SHANK2: variants seen among roughly 807,000 people sequenced by gnomAD.
SHANK2 encodes the protein SH3 and multiple ankyrin repeat domains 2, also known as SH3 and multiple ankyrin repeat domains protein 2.
In SHANK2, 43 loss-of-function variants were observed where a neutral mutation model predicts 133.7. The ratio of observed to expected loss-of-function variants is 0.32; its 90% confidence interval spans 0.25 to 0.41. The LOEUF (loss-of-function observed/expected upper bound fraction) is 0.41, where lower values mean the gene tolerates loss of function less well. Among genes scored for constraint, SHANK2 ranks in the 10% least tolerant of loss-of-function variants. The pLI, the probability that SHANK2 is intolerant of heterozygous loss-of-function variation, is 1.00. For synonymous variants in SHANK2, 1,017 were observed against 952.8 expected (o/e 1.07, Z -1.24); for missense variants, 1,994 against 2,235.8 (o/e 0.89, Z 2.18).
chr11:70,897,832 T>C (rs1240079827), intron 10 of SHANK2, among the ~76,000 whole-genome samples: 8 of 152,198 alleles, frequency 5.3e-5, no homozygotes, highest in Non-Finnish European at 1.0e-4. Context: ...TTATTTTTTC[T>C]TAAAGAATAT....
intron 11 of SHANK2, among the ~76,000 whole-genome samples, chr11:70,824,675 G>A (rs1948610105): frequency 6.6e-6 from 1 of 152,114 alleles, no homozygotes; most frequent in Non-Finnish European, 1.5e-5. Context: ...AAACCATGTT[G>A]GTGCCCTCCC....
intron 17 of SHANK2, among the ~76,000 whole-genome samples, chr11:70,507,242 C>T (rs1196453408): frequency 1.3e-5 from 2 of 152,196 alleles, no homozygotes; most frequent in Non-Finnish European, 2.9e-5. Context: ...TCTTGCCAGC[C>T]ACCAGTGAAA....
At position 71,092,408 on chromosome 11, in the gene SHANK2, G is replaced by A; in HGVS notation, c.912+14C>T. The stretch of plus-strand genomic sequence containing the variant: ...TTCGTGGGTACAACAGAGTGGAGAA[G>A]CGGGCCCACGTACCTGGTGGATCTC... On this transcript the variant is annotated intron_variant, in intron 8 of 25. Coordinates refer to ENST00000601538, the MANE Select transcript of SHANK2 (RefSeq NM_012309.5). The A allele has an allele frequency of 6.4e-7, 1 of 1,551,028 alleles. No homozygotes were observed.
chr11:70,771,535 G>A (rs1947249488), intron 14 of SHANK2, among the ~76,000 whole-genome samples: 1 of 152,242 alleles, frequency 6.6e-6, no homozygotes, highest in Admixed American at 6.5e-5. Flanking sequence ...TGGGCTGGGT[G>A]GAGTGGGTGG....
intron 2 of SHANK2, among the ~76,000 whole-genome samples, chr11:71,152,923 G>A (rs11232298): frequency 0.085 from 12,892 of 152,212 alleles, 1,303 homozygotes; most frequent in African/African-American, 0.24. Flanking sequence ...CACCAGGCAA[G>A]GCAGAAGGCG....
chr11:70,722,495 C>G (rs572563440), intron 14 of SHANK2, among the ~76,000 whole-genome samples: 1 of 152,218 alleles, frequency 6.6e-6, no homozygotes, highest in African/African-American at 2.4e-5. Context: ...TTTGAAATAC[C>G]TACATAGGCG....
Position 71,113,325 on chromosome 11 carries a change from C to G in SHANK2, c.451G>C (p.Asp151His). The change falls in exon 5 of 26, where the codon GAT (aspartate) becomes CAT (histidine). Residue 151 changes from aspartate (D) to histidine (H), a missense_variant. Coordinates refer to ENST00000601538, the MANE Select transcript of SHANK2 (RefSeq NM_012309.5). ...TGGAGCTTGGCCAACTGTTTCTCAT[C>G]GAGACTGGCTTGTTTATACACCCGC... Reference protein sequence around the residue: ...KKRVYKQASLDEKQLAKLHTK... With the variant: ...KKRVYKQASLHEKQLAKLHTK... 1.3e-6 allele frequency: 2 copies of G among 1,551,658 alleles called. No homozygotes were observed. Among genetic ancestry groups the G allele is most frequent in the Non-Finnish European group, 8.7e-7 (1 of 1,146,996 alleles).
intron 24 of SHANK2, 105 bp downstream of exon 24, chr11:70,489,223 T>C: frequency 8.7e-7 from 1 of 1,145,770 alleles, no homozygotes; most frequent in Non-Finnish European, 1.3e-6. Flanking sequence ...CTGAGTTGGC[T>C]GTCTGGCAAT....
chr11:71,066,981 G>A (rs1195368418), intron 9 of SHANK2, among the ~76,000 whole-genome samples: 1 of 152,214 alleles, frequency 6.6e-6, no homozygotes, highest in Admixed American at 6.5e-5. Flanking sequence ...CAAGGCATGG[G>A]TTGGAAACCT....
At position 70,485,450 on chromosome 11, in the gene SHANK2, T is replaced by G. The variant is rs782412088; in HGVS notation, c.4843A>C (p.Ile1615Leu). The G allele has an allele frequency of 6.2e-7, 1 of 1,613,984 alleles. No individual in the cohort carries two copies. Among genetic ancestry groups the G allele is most frequent in the South Asian group, 1.1e-5 (1 of 91,074 alleles). The change falls in exon 25 of 26, where the codon ATT becomes CTT. Residue 1615 changes from isoleucine (I) to leucine (L), a missense_variant. Physicochemically the swap from Ile to Leu is conservative, Grantham distance 5. Coordinates refer to ENST00000601538, the MANE Select transcript of SHANK2 (RefSeq NM_012309.5). The surrounding 1 kb of genome is among the most constrained non-coding windows in gnomAD (Gnocchi z 5.8). ...WGDVTEIKSP[I>L]LSGPKANVIS... ...ACGTTTGCCTTTGGGCCTGAGAGAA[T>G]CGGGCTTTTGATCTCTGTGACGTCG...
At chr11:70,702,474 AATC>A (rs782251488) in intron 14 of SHANK2, among the ~76,000 whole-genome samples, 1 of 151,802 alleles carries the variant, frequency 6.6e-6, no homozygotes, top group South Asian at 2.1e-4. Context: ...CATCACCACT[AATC>A]ATCATCATGA....
chr11:70,890,895 C>T (rs1220354904), intron 11 of SHANK2, among the ~76,000 whole-genome samples: 4 of 150,138 alleles, frequency 2.7e-5, no homozygotes, highest in South Asian at 2.1e-4. Context: ...ACCCGGGAGG[C>T]GGAGGTTGCA....
intron 10 of SHANK2, among the ~76,000 whole-genome samples, chr11:70,904,784 A>G (rs1339349278): frequency 1.3e-5 from 2 of 152,194 alleles, no homozygotes; most frequent in African/African-American, 4.8e-5. Flanking sequence ...CTGGGAGTAC[A>G]GGCATGAGCC....
Position 70,470,942 on chromosome 11 carries a change from C to T in SHANK2, c.*1927G>A, listed in dbSNP as rs999006815. On this transcript the variant is annotated 3_prime_UTR_variant, in exon 26 of 26. Transcript: ENST00000601538. ...CTTTGAAGAAATTGTCCTTCAATGA[C>T]GAAGTTCTAGCAAAGATAGAAAATA... The T allele has an allele frequency of 9.4e-6, 2 of 213,744 alleles. No individual in the cohort carries two copies. Among genetic ancestry groups the T allele is most frequent in the Admixed American group, 5.8e-5 (1 of 17,152 alleles). The allele number at this position is 213,744 out of a possible 1,614,324, so 13.2% of individuals were successfully genotyped here. A position where few individuals can be genotyped will look rare whatever the true frequency, so the allele number is the denominator to read the frequency against.
In SHANK2 at chr11:71,168,168, G is replaced by A. The variant is rs1280176145; in HGVS notation, c.-12-20830C>T. 2.2e-5 allele frequency among the ~76,000 whole-genome samples: 3 copies of A among 136,168 alleles called. 1 individual carries two copies. Among genetic ancestry groups the A allele is most frequent in the Non-Finnish European group, 4.8e-5 (3 of 62,986 alleles). 89.3% of individuals were successfully genotyped at this position (136,168 alleles called of 152,430 possible). Reference sequence around the variant, plus strand: ...TCAGACGGGGTGGCCGGGCAGAGACGCTCCTCACATCCCGCACGGGGCGGC... The same window carrying A: ...TCAGACGGGGTGGCCGGGCAGAGACACTCCTCACATCCCGCACGGGGCGGC... On this transcript the variant is annotated intron_variant, in intron 2 of 25. Coordinates refer to ENST00000601538, the MANE Select transcript of SHANK2 (RefSeq NM_012309.5).
At chr11:70,614,120 G>A (rs1591650886) in intron 17 of SHANK2, among the ~76,000 whole-genome samples, 1 of 152,078 alleles carries the variant, frequency 6.6e-6, no homozygotes, top group East Asian at 1.9e-4. Flanking sequence ...GACAATAAAG[G>A]CCGAGACTGG....
intron 15 of SHANK2, among the ~76,000 whole-genome samples, chr11:70,677,805 G>C (rs1167032996): frequency 6.6e-6 from 1 of 152,168 alleles, no homozygotes; most frequent in African/African-American, 2.4e-5. Flanking sequence ...CCAAAGCCAG[G>C]GTCCTTGCGT....
At chr11:71,232,488 C>A (rs538349953) in intron 1 of SHANK2, among the ~76,000 whole-genome samples, 1 of 152,100 alleles carries the variant, frequency 6.6e-6, no homozygotes, top group Non-Finnish European at 1.5e-5. Context: ...ATTCTCCCAC[C>A]TCTGCCGCCT....
intron 25 of SHANK2, among the ~76,000 whole-genome samples, chr11:70,481,542 C>T (rs1429919446): frequency 6.6e-6 from 1 of 152,244 alleles, no homozygotes; most frequent in Non-Finnish European, 1.5e-5. Flanking sequence ...TGAGGAACAG[C>T]TCTAAAAATT....
Sources: gnomAD v4.1 joint callset for allele counts (sites outside exome capture counted in the v4.1 genomes callset) on GRCh38, gnomAD v4.1.1 for gene constraint, Gnocchi (gnomAD v3.1) non-coding constraint, MANE v1.5 for transcripts, NCBI Gene and HGNC (gene_info 2026-07-23, HGNC 2026-07-21) for gene names.